The following MBD2 variants were observed in gnomAD, a reference collection of about 807,000 sequenced individuals.
MBD2 encodes methyl-CpG binding domain protein 2.
MBD2 carries 9 observed loss-of-function variants against 39.3 expected under a neutral mutation model. The ratio of observed to expected loss-of-function variants is 0.23; its 90% CI spans 0.14 to 0.40. The LOEUF is 0.40. Among genes scored for constraint, MBD2 ranks in the 10% least tolerant of loss-of-function variants. MBD2 has a pLI of 1.00. For missense variants in MBD2, 458 were observed against 532.6 expected, an observed-to-expected ratio of 0.86 and a Z score of 1.38; for synonymous variants, 233 against 211.1, an observed-to-expected ratio of 1.10 and a Z score of -0.90.
chr18:54,165,454 G>A (rs1032599195), intron 4 of MBD2, among the ~76,000 whole-genome samples: 1 of 152,144 alleles, frequency 6.6e-6, no homozygotes, highest in Non-Finnish European at 1.5e-5. Context: ...GAGGATTTTT[G>A]AGCAATCCAC....
intron 1 of MBD2, among the ~76,000 whole-genome samples, chr18:54,218,750 C>CAGG (rs1166019268): frequency 6.6e-6 from 1 of 152,178 alleles, no homozygotes; most frequent in Non-Finnish European, 1.5e-5. Flanking sequence ...ATCTCAAGGT[C>CAGG]AGGAGTTCAA....
chr18:54,189,418 T>C (rs1232117433), intron 2 of MBD2, among the ~76,000 whole-genome samples: 1 of 151,176 alleles, frequency 6.6e-6, no homozygotes, highest in East Asian at 2.0e-4. Flanking sequence ...GAGACGGGGT[T>C]TCACCATGTT....
In MBD2 at chr18:54,165,353, C is replaced by A. The variant is rs545033312; in HGVS notation, c.932-653G>T. ...CTGGTACCATGGTCACATTTAAATG[C>A]AATGCTTAAAGTCCTAAACCTGTTT... On this transcript the variant is annotated intron_variant, in intron 4 of 6. Coordinates refer to ENST00000256429, the MANE Select transcript of MBD2 (RefSeq NM_003927.5). Among the ~76,000 whole-genome samples the A allele has an allele frequency of 2.0e-5, 3 of 152,152 alleles. No homozygotes were observed. The South Asian group carries it at 6.2e-4, about 31-fold the overall frequency.
intron 3 of MBD2, among the ~76,000 whole-genome samples, chr18:54,179,176 C>T (rs973374973): frequency 5.3e-5 from 8 of 151,992 alleles, no homozygotes; most frequent in Non-Finnish European, 1.0e-4. Flanking sequence ...AGCGATACAG[C>T]GAGACCTTGT....
At chr18:54,168,309 T>C (rs903225705) in intron 3 of MBD2, among the ~76,000 whole-genome samples, 12 of 151,412 alleles carry the variant, frequency 7.9e-5, no homozygotes, top group African/African-American at 2.9e-4. Flanking sequence ...AAAAAATTTA[T>C]AAAGAAAAAA....
Position 54,152,642 on chromosome 18 carries a change from T to A in MBD2, c.*2682A>T, listed in dbSNP as rs190632648. 1.2e-4 allele frequency: 18 copies of A among 152,300 alleles called. No homozygotes were observed. In the East Asian group the frequency reaches 3.5e-3, roughly 29 times the overall value. 9.4% of individuals were successfully genotyped at this position (152,300 alleles called of 1,614,324 possible). On this transcript the variant is annotated 3_prime_UTR_variant, in exon 7 of 7. Coordinates refer to ENST00000256429, the MANE Select transcript of MBD2 (RefSeq NM_003927.5). The stretch of plus-strand genomic sequence containing the variant: ...TAGGGTGCTGAGGCAGAAAATAGTG[T>A]CACAGGGATAGGCGGTAGTTAGGGT...
intron 2 of MBD2, among the ~76,000 whole-genome samples, chr18:54,192,020 C>T (rs2086322922): frequency 2.0e-5 from 3 of 152,166 alleles, no homozygotes; most frequent in Admixed American, 1.3e-4. Context: ...TTTAAATGCT[C>T]TCCTGGTCAT....
At chr18:54,211,414 C>CAT (rs10666436) in intron 1 of MBD2, among the ~76,000 whole-genome samples, 1 of 149,708 alleles carries the variant, frequency 6.7e-6, no homozygotes, top group African/African-American at 2.5e-5. Flanking sequence ...CACACACACA[C>CAT]GCACACACGC....
intron 1 of MBD2, among the ~76,000 whole-genome samples, chr18:54,211,756 T>G (rs1049101739): frequency 6.6e-6 from 1 of 152,206 alleles, no homozygotes; most frequent in African/African-American, 2.4e-5. Flanking sequence ...AAAACACCAC[T>G]TTGACAACAG....
At chr18:54,215,720 T>C (rs2086553019) in intron 1 of MBD2, among the ~76,000 whole-genome samples, 1 of 151,976 alleles carries the variant, frequency 6.6e-6, no homozygotes, top group Non-Finnish European at 1.5e-5. Context: ...GGTCTCGACC[T>C]CCTGACCTCG....
chr18:54,163,006 C>T (rs2086107533), intron 5 of MBD2, among the ~76,000 whole-genome samples: 1 of 152,096 alleles, frequency 6.6e-6, no homozygotes, highest in Non-Finnish European at 1.5e-5. Flanking sequence ...TGGCTCACAC[C>T]TGTAACACCT....
chr18:54,165,232 G>A (rs567565136), intron 4 of MBD2, among the ~76,000 whole-genome samples: 1 of 152,262 alleles, frequency 6.6e-6, no homozygotes, highest in South Asian at 2.1e-4. Flanking sequence ...ATGCAAGCAA[G>A]CTGTATCTGT....
intron 2 of MBD2, among the ~76,000 whole-genome samples, chr18:54,195,262 A>G (rs1422749485): frequency 6.6e-6 from 1 of 152,104 alleles, no homozygotes; most frequent in Non-Finnish European, 1.5e-5. Flanking sequence ...ATAAAGTGAT[A>G]TGACAGTTCA....
intron 1 of MBD2, among the ~76,000 whole-genome samples, chr18:54,223,796 T>C (rs1260133854): frequency 6.6e-6 from 1 of 152,020 alleles, no homozygotes; most frequent in Non-Finnish European, 1.5e-5. Context: ...CCCCGACGCC[T>C]TCCACATAAG....
intron 3 of MBD2, chr18:54,187,626 T>C (rs2086294125): frequency 3.1e-5 from 29 of 939,594 alleles, no homozygotes; most frequent in Non-Finnish European, 3.7e-5. Context: ...CACAGAAAGC[T>C]GAATGGCCCA....
chr18:54,223,947 T>TGCCCA, intron 1 of MBD2, 71 bp downstream of exon 1: 1 of 1,340,378 alleles, frequency 7.5e-7, no homozygotes, highest in Non-Finnish European at 1.0e-6. Flanking sequence ...GCTCATCCTC[T>TGCCCA]GCCCAGGCCC....
intron 2 of MBD2, among the ~76,000 whole-genome samples, chr18:54,201,352 T>C (rs1186858668): frequency 6.6e-6 from 1 of 152,144 alleles, no homozygotes; most frequent in East Asian, 1.9e-4. Context: ...GTTGAAGAGA[T>C]GGAGGTGGTG....
intron 1 of MBD2, among the ~76,000 whole-genome samples, chr18:54,217,044 A>G (rs1370988213): frequency 6.6e-6 from 1 of 152,092 alleles, no homozygotes; most frequent in Non-Finnish European, 1.5e-5. Context: ...AGTGGAGATC[A>G]CGCCACTGCA....
intron 2 of MBD2, among the ~76,000 whole-genome samples, chr18:54,201,780 G>A (rs12326535): frequency 0.035 from 5,258 of 150,348 alleles, 125 homozygotes; most frequent in Non-Finnish European, 0.047. Context: ...GGAGAATGGC[G>A]TGAACCTGGG....
Sources: gnomAD v4.1 joint callset for allele counts (sites outside exome capture counted in the v4.1 genomes callset) on GRCh38, gnomAD v4.1.1 for gene constraint, MANE v1.5 for transcripts, NCBI Gene and HGNC (gene_info 2026-07-23, HGNC 2026-07-21) for gene names.